CTNND2: variants seen among roughly 807,000 people sequenced by gnomAD.
CTNND2 encodes the protein catenin delta 2.
In CTNND2, 22 loss-of-function variants were observed where a neutral mutation model predicts 144.4. That is an observed-to-expected ratio of 0.15 (90% CI 0.11 to 0.22). CTNND2 has a LOEUF of 0.22. Among genes scored for constraint, CTNND2 ranks in the 10% least tolerant of loss-of-function variants. The pLI is 1.00. For synonymous variants in CTNND2, 751 were observed against 695.6 expected (o/e 1.08, Z -1.25); for missense variants, 1,353 against 1,618.8 (o/e 0.84, Z 2.82).
At chr5:11,046,093 C>A (rs1745219347) in intron 16 of CTNND2, among the ~76,000 whole-genome samples, 1 of 152,078 alleles carries the variant, frequency 6.6e-6, no homozygotes, top group Non-Finnish European at 1.5e-5. Flanking sequence ...ATTGTTACCC[C>A]CTCACCAAAA....
intron 3 of CTNND2, among the ~76,000 whole-genome samples, chr5:11,498,082 G>A (rs906226702): frequency 3.9e-5 from 6 of 152,282 alleles, no homozygotes; most frequent in African/African-American, 1.4e-4. Flanking sequence ...CTGGCAAATT[G>A]GAGGTCAGGC....
chr5:11,217,378 C>A (rs1421735765), intron 10 of CTNND2, among the ~76,000 whole-genome samples: 1 of 152,166 alleles, frequency 6.6e-6, no homozygotes, highest in African/African-American at 2.4e-5. Context: ...AAGGAGGTGG[C>A]TTTTCAAAAG....
intron 1 of CTNND2, among the ~76,000 whole-genome samples, chr5:11,855,151 A>G (rs1561861120): frequency 6.6e-6 from 1 of 152,234 alleles, no homozygotes; most frequent in Non-Finnish European, 1.5e-5. Flanking sequence ...ACCAGGGATT[A>G]GCTGGAGATG....
At chr5:11,302,915 C>T (rs576081318) in intron 9 of CTNND2, among the ~76,000 whole-genome samples, 7 of 152,194 alleles carry the variant, frequency 4.6e-5, no homozygotes, top group South Asian at 2.1e-4. Flanking sequence ...AGAAACCTCG[C>T]GTCCTTCCTC....
intron 9 of CTNND2, among the ~76,000 whole-genome samples, chr5:11,289,208 A>C (rs1210762256): frequency 6.6e-6 from 1 of 152,178 alleles, no homozygotes; most frequent in African/African-American, 2.4e-5. Flanking sequence ...TTCTCTTCCC[A>C]GTGTCCAGAG....
Position 11,904,016 on chromosome 5 carries a change from G to T in CTNND2, c.-163C>A. ...ATGCTGGCGGGCGGCAGGGGCGAGC[G>T]CCGCGGGCGAGAGGCGGCTCCCGAC... On this transcript the variant is annotated 5_prime_UTR_variant, in exon 1 of 22. Coordinates refer to ENST00000304623, the MANE Select transcript of CTNND2 (RefSeq NM_001332.4). This position sits in a 1 kb window ranked among gnomAD's most constrained non-coding sequence, Gnocchi z 4.2. 1 of 756,800 alleles carries T rather than the reference G, an allele frequency of 1.3e-6. No individual in the cohort carries two copies. Among genetic ancestry groups the T allele is most frequent in the Middle Eastern group, 4.4e-4 (1 of 2,280 alleles). The allele number at this position is 756,800 out of a possible 1,614,324, so 46.9% of individuals were successfully genotyped here. A position where few individuals can be genotyped will look rare whatever the true frequency, so the allele number is the denominator to read the frequency against.
At chr5:11,492,126 A>G (rs1769447729) in intron 3 of CTNND2, among the ~76,000 whole-genome samples, 1 of 152,204 alleles carries the variant, frequency 6.6e-6, no homozygotes. Flanking sequence ...CACATCCCAT[A>G]TATCGCTTTA....
At chr5:11,893,153 T>C (rs151256498) in intron 1 of CTNND2, among the ~76,000 whole-genome samples, 1,568 of 152,308 alleles carry the variant, frequency 0.01, 37 homozygotes, top group African/African-American at 0.036. Flanking sequence ...AAACATACAG[T>C]ATTTATGTTT....
In CTNND2 at chr5:11,159,687, G is replaced by A; in HGVS notation, c.2048C>T (p.Thr683Ile). ...PIIQDALAVL[T>I]NAVIIPHSGW... is the part of the protein sequence containing the mutation. ...TGAGTGGGGGATAATCACCGCGTTG[G>A]TCAGTACTGCTAGGGCATCCTGGAT... Residue 683 changes from threonine (T) to isoleucine (I), a missense_variant, in exon 12 of 22, where the codon ACC (threonine) becomes ATC (isoleucine). Transcript: ENST00000304623. 1 of 1,613,308 alleles carries A rather than the reference G, an allele frequency of 6.2e-7. No individual in the cohort carries two copies. Among genetic ancestry groups the A allele is most frequent in the Non-Finnish European group, 8.5e-7 (1 of 1,179,684 alleles).
At chr5:11,517,340 T>C (rs1293406251) in intron 3 of CTNND2, among the ~76,000 whole-genome samples, 1 of 152,194 alleles carries the variant, frequency 6.6e-6, no homozygotes, top group Non-Finnish European at 1.5e-5. Context: ...CAAAATCACA[T>C]TACTTGCATA....
At chr5:11,142,917 G>A (rs1438650480) in intron 12 of CTNND2, among the ~76,000 whole-genome samples, 1 of 152,088 alleles carries the variant, frequency 6.6e-6, no homozygotes, top group Non-Finnish European at 1.5e-5. Flanking sequence ...TAGCCAACTG[G>A]TCTTGGGCAA....
chr5:11,353,523 G>T (rs1755546797), intron 8 of CTNND2, among the ~76,000 whole-genome samples: 1 of 152,092 alleles, frequency 6.6e-6, no homozygotes, highest in South Asian at 2.1e-4. Context: ...ATATTCCTAG[G>T]GCTGGGTGCA....
intron 3 of CTNND2, among the ~76,000 whole-genome samples, chr5:11,475,214 G>A (rs577853721): frequency 6.6e-6 from 1 of 152,346 alleles, no homozygotes; most frequent in South Asian, 2.1e-4. Context: ...TAGAATTGAT[G>A]ATGGTTGTAT....
intron 5 of CTNND2, among the ~76,000 whole-genome samples, chr5:11,401,902 T>A (rs1760683098): frequency 6.6e-6 from 1 of 152,194 alleles, no homozygotes; most frequent in Non-Finnish European, 1.5e-5. Context: ...CTTGGAAAAA[T>A]TTTAACTGCT....
intron 2 of CTNND2, among the ~76,000 whole-genome samples, chr5:11,608,703 C>A (rs1356795636): frequency 6.6e-6 from 1 of 152,142 alleles, no homozygotes; most frequent in East Asian, 1.9e-4. Context: ...TCTCTGCTTC[C>A]CATCTTGCAC....
chr5:11,629,270 A>G (rs1314938862), intron 2 of CTNND2, among the ~76,000 whole-genome samples: 4 of 151,742 alleles, frequency 2.6e-5, no homozygotes, highest in African/African-American at 9.8e-5. Context: ...AACAACAACA[A>G]CAACAACAAC....
intron 12 of CTNND2, among the ~76,000 whole-genome samples, chr5:11,134,662 A>C (rs1439766151): frequency 2.6e-5 from 4 of 152,220 alleles, no homozygotes; most frequent in African/African-American, 9.7e-5. Flanking sequence ...CTGAATGACA[A>C]GACGAGATGT....
chr5:11,637,442 A>G (rs543120214), intron 2 of CTNND2, among the ~76,000 whole-genome samples: 18 of 152,194 alleles, frequency 1.2e-4, no homozygotes, highest in Non-Finnish European at 1.9e-4. Flanking sequence ...GGAAAATAAT[A>G]CCTTGCACTT....
intron 9 of CTNND2, among the ~76,000 whole-genome samples, chr5:11,241,899 A>G (rs1742490271): frequency 6.6e-6 from 1 of 152,000 alleles, no homozygotes; most frequent in East Asian, 1.9e-4. Flanking sequence ...AGGAGGGAAC[A>G]GCACCTGCCA....
Sources: gnomAD v4.1 joint callset for allele counts (sites outside exome capture counted in the v4.1 genomes callset) on GRCh38, gnomAD v4.1.1 for gene constraint, Gnocchi (gnomAD v3.1) non-coding constraint, MANE v1.5 for transcripts, NCBI Gene and HGNC (gene_info 2026-07-23, HGNC 2026-07-21) for gene names.